OR2L13: variants seen among roughly 807,000 people sequenced by gnomAD.
The protein encoded by OR2L13 is olfactory receptor family 2 subfamily L member 13.
Under a neutral mutation model 15.3 loss-of-function variants are expected in OR2L13, and 14 were observed. The ratio of observed to expected loss-of-function variants is 0.91; its 90% CI spans 0.60 to 1.43. The LOEUF is 1.43. Among genes scored for constraint, OR2L13 ranks in the 40% most tolerant of loss-of-function variants. OR2L13 has a pLI of 0.00. For missense variants in OR2L13, 367 were observed against 387.9 expected, an observed-to-expected ratio of 0.95 and a Z score of 0.45; for synonymous variants, 152 against 142.9, an observed-to-expected ratio of 1.06 and a Z score of -0.45.
chr1:247,937,466 C>T, the OR2L13 span: 1 of 159,284 alleles, frequency 6.3e-6, no homozygotes, highest in Non-Finnish European at 1.4e-5. Flanking sequence ...CTCCTCCCCT[C>T]CCATCAGCAG....
chr1:247,976,878 G>A, the OR2L13 span, among the ~76,000 whole-genome samples: 20 of 152,038 alleles, frequency 1.3e-4, no homozygotes, highest in Non-Finnish European at 2.8e-4. Context: ...GGATACAATT[G>A]GTTTTACCTT....
the OR2L13 span, among the ~76,000 whole-genome samples, chr1:247,999,109 G>C: frequency 7.2e-5 from 11 of 152,062 alleles, no homozygotes; most frequent in Non-Finnish European, 1.2e-4. Context: ...ACAGCTCCTG[G>C]TAACCCATGG....
chr1:248,047,514 G>A, the OR2L13 span, among the ~76,000 whole-genome samples: 2 of 152,184 alleles, frequency 1.3e-5, no homozygotes, highest in Non-Finnish European at 2.9e-5. Context: ...AATCAATAAT[G>A]AAGGTAACCG....
the OR2L13 span, among the ~76,000 whole-genome samples, chr1:248,008,362 T>C: frequency 6.6e-6 from 1 of 152,180 alleles, no homozygotes. Context: ...GCATTGACCA[T>C]TTATTTGGAC....
chr1:247,979,206 A>G, the OR2L13 span, among the ~76,000 whole-genome samples: 1 of 152,176 alleles, frequency 6.6e-6, no homozygotes, highest in East Asian at 1.9e-4. Context: ...GTACATGTGC[A>G]TAACGTGCAG....
chr1:248,016,851 C>T, the OR2L13 span, among the ~76,000 whole-genome samples: 1 of 152,128 alleles, frequency 6.6e-6, no homozygotes, highest in African/African-American at 2.4e-5. Flanking sequence ...GAGAAGTTCA[C>T]TTACAACCCC....
chr1:247,938,106 C>T, the OR2L13 span, among the ~76,000 whole-genome samples: 1 of 152,044 alleles, frequency 6.6e-6, no homozygotes, highest in Non-Finnish European at 1.5e-5. Flanking sequence ...ATAATTTAGA[C>T]ATAAAATAAG....
chr1:248,008,471 C>T, the OR2L13 span, among the ~76,000 whole-genome samples: 5 of 151,884 alleles, frequency 3.3e-5, no homozygotes, highest in Non-Finnish European at 5.9e-5. Context: ...TTTCCTAGAC[C>T]TGGGCAAAAA....
chr1:247,974,278 C>G, the OR2L13 span, among the ~76,000 whole-genome samples: 1 of 151,798 alleles, frequency 6.6e-6, no homozygotes, highest in Non-Finnish European at 1.5e-5. Flanking sequence ...TGTGGGGGGG[C>G]CAAGAGGAGG....
the OR2L13 span, chr1:247,949,476 G>T: frequency 3.7e-6 from 6 of 1,609,486 alleles, no homozygotes; most frequent in Non-Finnish European, 5.1e-6. Flanking sequence ...CATCTTTCTC[G>T]TGTTTCCCTT....
the OR2L13 span, among the ~76,000 whole-genome samples, chr1:248,029,530 T>A: frequency 6.6e-6 from 1 of 152,098 alleles, no homozygotes; most frequent in Non-Finnish European, 1.5e-5. Context: ...AGGAGAAAAA[T>A]CACTGTATAA....
chr1:247,981,984 G>T, the OR2L13 span, among the ~76,000 whole-genome samples: 916 of 151,778 alleles, frequency 6.0e-3, 11 homozygotes, highest in Middle Eastern at 0.021. Flanking sequence ...CCCGGCTAAT[G>T]TTTTGTATTT....
At chr1:247,980,222 T>C in the OR2L13 span, among the ~76,000 whole-genome samples, 1 of 152,118 alleles carries the variant, frequency 6.6e-6, no homozygotes, top group African/African-American at 2.4e-5. Context: ...TTATCATCAA[T>C]TTTAATAACA....
At chr1:248,058,978 AT>A in the OR2L13 span, among the ~76,000 whole-genome samples, 2 of 151,966 alleles carry the variant, frequency 1.3e-5, no homozygotes, top group African/African-American at 4.8e-5. Flanking sequence ...AAGGTCCTTT[AT>A]GTTACCTGTT....
the OR2L13 span, among the ~76,000 whole-genome samples, chr1:248,004,245 AC>A: frequency 3.8e-3 from 572 of 152,280 alleles, 3 homozygotes; most frequent in African/African-American, 0.013. Context: ...ATTCTAAACA[AC>A]CTTTTTCTTC....
At chr1:248,068,370 T>C in the OR2L13 span, among the ~76,000 whole-genome samples, 1 of 152,108 alleles carries the variant, frequency 6.6e-6, no homozygotes, top group Non-Finnish European at 1.5e-5. Context: ...CCACTGCTGC[T>C]GGTACCCAGG....
the OR2L13 span, among the ~76,000 whole-genome samples, chr1:248,012,959 A>C: frequency 4.4e-3 from 663 of 152,002 alleles, 4 homozygotes; most frequent in African/African-American, 0.014. Context: ...TAAAAATTTA[A>C]TTACTAAATA....
upstream of OR2L13, among the ~76,000 whole-genome samples, chr1:248,092,471 A>T (rs1572739103): frequency 6.6e-6 from 1 of 152,186 alleles, no homozygotes; most frequent in East Asian, 1.9e-4. Flanking sequence ...AGGCAGGAAA[A>T]CAGTAAGAAT....
the OR2L13 span, among the ~76,000 whole-genome samples, chr1:248,063,873 C>T: frequency 1.3e-5 from 2 of 152,198 alleles, no homozygotes; most frequent in Admixed American, 6.5e-5. Flanking sequence ...CCTTAGCCCC[C>T]TTGTGTAGTC....
Sources: allele counts gnomAD v4.1 joint callset (sites outside exome capture counted in the v4.1 genomes callset), GRCh38; gene constraint gnomAD v4.1.1; transcripts MANE v1.5; gene names NCBI Gene and HGNC (gene_info 2026-07-23, HGNC 2026-07-21).